PLXNA4: variants seen among roughly 807,000 people sequenced by gnomAD.
PLXNA4 encodes plexin-A4.
In PLXNA4, 44 loss-of-function variants were observed where a neutral mutation model predicts 191.8. The ratio of observed to expected loss-of-function variants is 0.23; its 90% CI spans 0.18 to 0.29. PLXNA4 has a LOEUF of 0.29. Ranked by LOEUF, PLXNA4 falls within the 10% of genes least tolerant of loss-of-function variation. PLXNA4 has a pLI of 1.00. For synonymous variants in PLXNA4, 1,082 were observed against 1,009.5 expected, an observed-to-expected ratio of 1.07 and a Z score of -1.36; for missense variants, 1,800 against 2,488.8, an observed-to-expected ratio of 0.72 and a Z score of 5.89.
intron 4 of PLXNA4, among the ~76,000 whole-genome samples, chr7:132,282,020 G>C (rs1246304984): frequency 1.1e-4 from 16 of 152,176 alleles, no homozygotes; most frequent in Admixed American, 1.0e-3. Context: ...AGCCCTCCAA[G>C]ATGTTGGGTT....
chr7:132,553,203 G>T (rs1800640302), intron 1 of PLXNA4, among the ~76,000 whole-genome samples: 1 of 152,212 alleles, frequency 6.6e-6, no homozygotes, highest in South Asian at 2.1e-4. Context: ...CCCAGGCATG[G>T]CCTGCAACCT....
At chr7:132,618,262 T>C (rs1237279997) in intron 2 of PLXNA4, among the ~76,000 whole-genome samples, 1 of 152,188 alleles carries the variant, frequency 6.6e-6, no homozygotes, top group Non-Finnish European at 1.5e-5. Flanking sequence ...TCAGGAAGCT[T>C]TTCCTCCTAC....
chr7:132,459,336 C>T (rs779570914), intron 3 of PLXNA4, among the ~76,000 whole-genome samples: 3 of 152,198 alleles, frequency 2.0e-5, no homozygotes, highest in Non-Finnish European at 2.9e-5. Flanking sequence ...ATCTTACATT[C>T]GGGGAAACGA....
At chr7:132,581,436 C>T (rs531324701), upstream of PLXNA4, among the ~76,000 whole-genome samples, 400 of 152,308 alleles carry the variant, frequency 2.6e-3, 1 homozygote, top group Non-Finnish European at 3.5e-3. Flanking sequence ...CTTTGGCCAC[C>T]ACTGAAAAAC....
intron 3 of PLXNA4, among the ~76,000 whole-genome samples, chr7:132,341,085 A>C (rs1347319942): frequency 6.6e-6 from 1 of 152,160 alleles, no homozygotes; most frequent in East Asian, 1.9e-4. Flanking sequence ...GAGGTTTAGA[A>C]CTGACCCCTA....
At chr7:132,497,915 C>G (rs156950) in intron 2 of PLXNA4, among the ~76,000 whole-genome samples, 137,964 of 152,212 alleles carry the variant, frequency 0.91, 62,736 homozygotes, top group Middle Eastern at 0.95. Context: ...GAATGTGTAA[C>G]AGAAAGAGGG....
chr7:132,242,282 A>T (rs1350095344), intron 4 of PLXNA4, among the ~76,000 whole-genome samples: 3 of 151,978 alleles, frequency 2.0e-5, no homozygotes, highest in African/African-American at 7.3e-5. Context: ...ATTTCTTGCC[A>T]TCATACAACA....
chr7:132,625,042 C>CA (rs1386287437), intron 2 of PLXNA4, among the ~76,000 whole-genome samples: 2 of 152,000 alleles, frequency 1.3e-5, no homozygotes, highest in Non-Finnish European at 2.9e-5. Context: ...CTGAGCCCCC[C>CA]AAAATAAAGC....
chr7:132,143,598 A>T (rs2116555109), intron 29 of PLXNA4, among the ~76,000 whole-genome samples: 1 of 152,324 alleles, frequency 6.6e-6, no homozygotes, highest in African/African-American at 2.4e-5. Flanking sequence ...GGCAGTAAGT[A>T]GGAAGACTCA....
chr7:132,488,050 G>T (rs1563128309), intron 3 of PLXNA4, among the ~76,000 whole-genome samples: 1 of 152,224 alleles, frequency 6.6e-6, no homozygotes, highest in South Asian at 2.1e-4. Flanking sequence ...AGCACCTGCT[G>T]TGTGGTACAT....
rs1158850572 is a variant in PLXNA4 at position 132,123,796 on chromosome 7, G to GACTC, written c.*6679_*6682dup. ...ACCTCCTTCAACGGCTTCTCTATGT[G>GACTC]ACTCAAAGACCCCTGCCGGTTCCTT... On this transcript the variant is annotated 3_prime_UTR_variant, in exon 32 of 32. Transcript: ENST00000321063. 1 of 152,152 alleles carries GACTC rather than the reference G, an allele frequency of 6.6e-6. No individual in the cohort carries two copies. 9.4% of individuals were successfully genotyped at this position (152,152 alleles called of 1,614,324 possible).
chr7:132,458,216 A>G (rs987244471), intron 3 of PLXNA4, among the ~76,000 whole-genome samples: 1 of 151,968 alleles, frequency 6.6e-6, no homozygotes, highest in Non-Finnish European at 1.5e-5. Flanking sequence ...CCAGCCTACT[A>G]GAACCAAAAA....
chr7:132,265,831 A>C (rs1799831002), intron 4 of PLXNA4, among the ~76,000 whole-genome samples: 1 of 152,200 alleles, frequency 6.6e-6, no homozygotes, highest in South Asian at 2.1e-4. Flanking sequence ...CCAGTGCAGG[A>C]TGGGGGTCCC....
chr7:132,535,194 C>G (rs1221984312), intron 1 of PLXNA4, among the ~76,000 whole-genome samples: 1 of 152,178 alleles, frequency 6.6e-6, no homozygotes, highest in Non-Finnish European at 1.5e-5. Flanking sequence ...ACTATGAAGA[C>G]TATTTTGATA....
chr7:132,550,277 C>A (rs1009875920), intron 1 of PLXNA4, among the ~76,000 whole-genome samples: 3 of 152,142 alleles, frequency 2.0e-5, no homozygotes, highest in Non-Finnish European at 4.4e-5. Flanking sequence ...GCATGAGGCA[C>A]CCACAAGTGA....
At chr7:132,228,202 A>G in intron 6 of PLXNA4, 144 bp downstream of exon 6, 1 of 1,047,970 alleles carries the variant, frequency 9.5e-7, no homozygotes, top group South Asian at 1.7e-5. Flanking sequence ...TAATTCTTTG[A>G]TATCCTGCAC....
intron 1 of PLXNA4, among the ~76,000 whole-genome samples, chr7:132,535,525 G>A (rs1315014118): frequency 6.6e-6 from 1 of 152,042 alleles, no homozygotes; most frequent in African/African-American, 2.4e-5. Context: ...GCAGAGTTGG[G>A]GCTCCAGAGG....
intron 2 of PLXNA4, among the ~76,000 whole-genome samples, chr7:132,617,443 T>G (rs976712214): frequency 4.6e-5 from 7 of 152,036 alleles, no homozygotes; most frequent in Non-Finnish European, 7.4e-5. Context: ...AGCCAGAGAG[T>G]GAAAAATGCC....
At chr7:132,161,725 C>T (rs377104994) in intron 24 of PLXNA4, among the ~76,000 whole-genome samples, 5 of 150,848 alleles carry the variant, frequency 3.3e-5, no homozygotes, top group South Asian at 2.1e-4. Flanking sequence ...GGGCACCTAG[C>T]GCTCTGGCAG....
Sources: gnomAD v4.1 joint callset for allele counts (sites outside exome capture counted in the v4.1 genomes callset) on GRCh38, gnomAD v4.1.1 for gene constraint, MANE v1.5 for transcripts, NCBI Gene and HGNC (gene_info 2026-07-23, HGNC 2026-07-21) for gene names.